The following TUB variants were observed in gnomAD, a reference collection of about 807,000 sequenced individuals.
TUB encodes TUB bipartite transcription factor.
In TUB, 33 loss-of-function variants were observed where a neutral mutation model predicts 59.7. That is an observed-to-expected ratio of 0.55 (90% CI 0.42 to 0.74). The LOEUF is 0.74. Ranked by LOEUF, TUB falls within the 30% of genes least tolerant of loss-of-function variation. TUB has a pLI of 0.00. For synonymous variants in TUB, 293 were observed against 256.4 expected, an observed-to-expected ratio of 1.14 and a Z score of -1.36; for missense variants, 659 against 672.0, an observed-to-expected ratio of 0.98 and a Z score of 0.21.
upstream of TUB, among the ~76,000 whole-genome samples, chr11:8,034,561 G>A (rs531565214): frequency 1.3e-4 from 20 of 152,284 alleles, no homozygotes; most frequent in South Asian, 4.1e-3. Flanking sequence ...GCTCACCAGG[G>A]TAATTATTGG....
At position 8,055,331 on chromosome 11, in the gene TUB, T is replaced by C. The variant is rs1009524967; in HGVS notation, c.203+15639T>C. Among the ~76,000 whole-genome samples the C allele has an allele frequency of 2.0e-5, 3 of 152,156 alleles. No homozygotes were observed. The East Asian group carries it at 5.8e-4, about 29-fold the overall frequency. On this transcript the variant is annotated intron_variant, in intron 2 of 12. Coordinates refer to the TUB transcript ENST00000305253. ...TGCTCTCTAAGGCCTCAGCCATTACTCTGGATTATCGCTGGGTGGCGCTGT... is the reference window on the plus strand; with the variant it reads ...TGCTCTCTAAGGCCTCAGCCATTACCCTGGATTATCGCTGGGTGGCGCTGT...
intron 9 of TUB, among the ~76,000 whole-genome samples, chr11:8,099,821 C>T (rs192337234): frequency 6.6e-5 from 10 of 152,242 alleles, no homozygotes; most frequent in South Asian, 2.1e-4. Context: ...CAGCAGTGTA[C>T]GTGTCTAGGG....
At chr11:8,046,778 C>G (rs1323120567) in intron 2 of TUB, among the ~76,000 whole-genome samples, 3 of 152,144 alleles carry the variant, frequency 2.0e-5, no homozygotes, top group Non-Finnish European at 4.4e-5. Flanking sequence ...ATCCTATCAT[C>G]CCCCACTTAA....
chr11:8,096,930 C>G, intron 6 of TUB, 124 bp downstream of exon 6: 1 of 1,112,980 alleles, frequency 9.0e-7, no homozygotes, highest in Non-Finnish European at 1.3e-6. Context: ...TCTTATGTCC[C>G]TCTACCTTGC....
chr11:8,026,459 G>A (rs1327482715), intron 1 of TUB, among the ~76,000 whole-genome samples: 1 of 114,512 alleles, frequency 8.7e-6, no homozygotes, highest in African/African-American at 3.2e-5. Context: ...TTTTGCATAT[G>A]GTATGAGATT....
intron 1 of TUB, 52 bp downstream of exon 1, chr11:8,081,600 C>T (rs769332575): frequency 1.4e-6 from 2 of 1,477,128 alleles, no homozygotes; most frequent in East Asian, 2.7e-5. Context: ...GGGACGTGAG[C>T]TGGCTGGGGA....
At chr11:8,019,621 G>GC (rs1297945411) in intron 1 of TUB, among the ~76,000 whole-genome samples, 12 of 152,200 alleles carry the variant, frequency 7.9e-5, no homozygotes, top group Non-Finnish European at 7.4e-5. Context: ...TGGCACCTCT[G>GC]CCCCCACCCC....
At chr11:8,074,642 G>A (rs1347233525) in intron 2 of TUB, among the ~76,000 whole-genome samples, 1 of 151,794 alleles carries the variant, frequency 6.6e-6, no homozygotes, top group Non-Finnish European at 1.5e-5. Context: ...TGGAGGCTGA[G>A]GCAGGAGGAT....
At chr11:8,034,969 G>C (rs995948698), upstream of TUB, among the ~76,000 whole-genome samples, 1 of 152,356 alleles carries the variant, frequency 6.6e-6, no homozygotes, top group Middle Eastern at 3.4e-3. Context: ...GAAGGGGACA[G>C]ATGGGAACCC....
At chr11:8,029,751 T>C (rs1165238288) in intron 1 of TUB, among the ~76,000 whole-genome samples, 3 of 152,080 alleles carry the variant, frequency 2.0e-5, no homozygotes, top group African/African-American at 7.2e-5. Flanking sequence ...CGGTGTGTGT[T>C]CTGTGATAGG....
intron 1 of TUB, among the ~76,000 whole-genome samples, chr11:8,022,814 C>T (rs1048656306): frequency 2.6e-5 from 4 of 152,062 alleles, no homozygotes; most frequent in African/African-American, 7.2e-5. Context: ...TGCTTGAACC[C>T]GGGAGACGGA....
intron 1 of TUB, among the ~76,000 whole-genome samples, chr11:8,088,582 A>G (rs1449986490): frequency 6.6e-6 from 1 of 152,232 alleles, no homozygotes; most frequent in East Asian, 1.9e-4. Context: ...GAACCTGGAC[A>G]CAGTCTGGTT....
At chr11:8,070,660 C>G (rs1328925059) in intron 2 of TUB, among the ~76,000 whole-genome samples, 4 of 152,180 alleles carry the variant, frequency 2.6e-5, no homozygotes, top group African/African-American at 9.7e-5. Flanking sequence ...GTTGGGCCCT[C>G]CTCGGTCCCC....
At chr11:8,057,077 G>T (rs1308678201) in intron 2 of TUB, among the ~76,000 whole-genome samples, 1 of 152,152 alleles carries the variant, frequency 6.6e-6, no homozygotes, top group African/African-American at 2.4e-5. Context: ...CACAAGCTAG[G>T]CTCTGGAGGG....
At chr11:8,039,002 C>G (rs1942694856) in exon 1 of TUB, 2 of 1,613,552 alleles carry the variant, frequency 1.2e-6, no homozygotes, top group Admixed American at 1.7e-5. Context: ...AACCTGGGCC[C>G]CTGAAACGGG....
chr11:8,057,497 A>T (rs1943038508), intron 2 of TUB, among the ~76,000 whole-genome samples: 1 of 152,250 alleles, frequency 6.6e-6, no homozygotes, highest in African/African-American at 2.4e-5. Flanking sequence ...GTAAGTGTGC[A>T]TTCGTCTAAA....
chr11:8,081,502 C>G lies in TUB; in HGVS notation c.-9C>G. The G allele has an allele frequency of 6.5e-7, 1 of 1,539,270 alleles. No homozygotes were observed. Among genetic ancestry groups the G allele is most frequent in the Non-Finnish European group, 8.7e-7 (1 of 1,149,988 alleles). ...CAGAGCCGCAGCCACCGCCCCGCCC[C>G]CGAGAGACATGACTTCCAAGCCGCA... On this transcript the variant is annotated 5_prime_UTR_variant, in exon 1 of 12. Coordinates refer to ENST00000299506, the MANE Select transcript of TUB (RefSeq NM_177972.3).
At chr11:8,070,283 AG>A (rs890899052) in intron 2 of TUB, among the ~76,000 whole-genome samples, 15 of 152,198 alleles carry the variant, frequency 9.9e-5, no homozygotes, top group African/African-American at 3.6e-4. Context: ...CATTTCTTCA[AG>A]TTCTTTTTAT....
chr11:8,048,944 C>T (rs191422188), intron 2 of TUB, among the ~76,000 whole-genome samples: 2 of 152,252 alleles, frequency 1.3e-5, no homozygotes, highest in African/African-American at 2.4e-5. Flanking sequence ...ATTTAATATT[C>T]GTAATTCTGT....
Sources: gnomAD v4.1 joint callset for allele counts (sites outside exome capture counted in the v4.1 genomes callset) on GRCh38, gnomAD v4.1.1 for gene constraint, MANE v1.5 for transcripts, NCBI Gene and HGNC (gene_info 2026-07-23, HGNC 2026-07-21) for gene names.